Variants in RGS3 observed in about 807,000 individuals in gnomAD.
RGS3 encodes the protein regulator of G protein signaling 3, also known as regulator of G-protein signalling 3.
In RGS3, 80 loss-of-function variants were observed where a neutral mutation model predicts 132.6. That is an observed-to-expected ratio of 0.60 (90% CI 0.50 to 0.73). The LOEUF is 0.73. Ranked by LOEUF, RGS3 falls within the 30% of genes least tolerant of loss-of-function variation. The pLI is 0.00. For synonymous variants in RGS3, 598 were observed against 620.6 expected (o/e 0.96, Z 0.54); for missense variants, 1,382 against 1,530.8 (o/e 0.90, Z 1.62).
chr9:113,464,920 T>C (rs1427723434), intron 3 of RGS3, among the ~76,000 whole-genome samples: 1 of 152,210 alleles, frequency 6.6e-6, no homozygotes, highest in African/African-American at 2.4e-5. Flanking sequence ...CTGCTTTTTT[T>C]CCTTAGGGGT....
intron 7 of RGS3, 21 bp from the exon 6 acceptor site, chr9:113,495,765 A>T: frequency 6.2e-7 from 1 of 1,612,720 alleles, no homozygotes; most frequent in Non-Finnish European, 8.5e-7. Flanking sequence ...ATGCTGACTC[A>T]AGTCTCACTT....
chr9:113,506,920 A>T lies in RGS3; in HGVS notation c.1086-367A>T, dbSNP rs1831155925. On this transcript the variant is annotated intron_variant, in intron 12 of 24. Coordinates refer to ENST00000350696, the Ensembl canonical transcript of RGS3. The surrounding 1 kb of genome is among the most constrained non-coding windows in gnomAD (Gnocchi z 4.7). Reference sequence around the variant, plus strand: ...TCTAGGGTAAAACCCCGATGGCCCCATTTTAGGTCTGCTTCTGGAATAACC... The same window carrying T: ...TCTAGGGTAAAACCCCGATGGCCCCTTTTTAGGTCTGCTTCTGGAATAACC... Among the ~76,000 whole-genome samples the T allele has an allele frequency of 6.6e-6, 1 of 152,170 alleles. No homozygotes were observed. Among genetic ancestry groups the T allele is most frequent in the Non-Finnish European group, 1.5e-5 (1 of 68,012 alleles).
intron 1 of RGS3, among the ~76,000 whole-genome samples, chr9:113,445,602 C>A (rs918503731): frequency 2.6e-5 from 4 of 152,128 alleles, no homozygotes; most frequent in African/African-American, 9.7e-5. Context: ...TATTCTAGGC[C>A]CATACTCAGA....
chr9:113,560,532 A>G (rs1833743505), intron 19 of RGS3, among the ~76,000 whole-genome samples: 1 of 152,158 alleles, frequency 6.6e-6, no homozygotes, highest in South Asian at 2.1e-4. Context: ...GACCCCCTCC[A>G]AGTTCCATCC....
rs1832734757 is a variant in RGS3 at position 113,537,618 on chromosome 9, A to G, written c.2037+700A>G. ...GTCATTCAGGTCCCTTCTTTTGCTA[A>G]AAGTGCTGGCCATTTGGGAATTGGG... On this transcript the variant is annotated intron_variant, in intron 19 of 24. Transcript: ENST00000350696. This position sits in a 1 kb window ranked among gnomAD's most constrained non-coding sequence, Gnocchi z 4.3. Among the ~76,000 whole-genome samples, 1 of 152,204 alleles carries G rather than the reference A, an allele frequency of 6.6e-6. No homozygotes were observed. Among genetic ancestry groups the G allele is most frequent in the African/African-American group, 2.4e-5 (1 of 41,446 alleles).
At chr9:113,493,983 G>T (rs997013658) in intron 7 of RGS3, among the ~76,000 whole-genome samples, 2 of 152,112 alleles carry the variant, frequency 1.3e-5, no homozygotes, top group Non-Finnish European at 2.9e-5. Context: ...AAATCTCTCA[G>T]CTATGTGGGT....
At chr9:113,492,251 G>A (rs1830542702) in intron 7 of RGS3, among the ~76,000 whole-genome samples, 1 of 152,106 alleles carries the variant, frequency 6.6e-6, no homozygotes, top group African/African-American at 2.4e-5. Flanking sequence ...CATATGTGCT[G>A]CATGAAGTTA....
chr9:113,471,428 C>T (rs991748901), intron 3 of RGS3, among the ~76,000 whole-genome samples: 8 of 152,172 alleles, frequency 5.3e-5, no homozygotes, highest in African/African-American at 1.4e-4. Flanking sequence ...TAGATCCTGC[C>T]TGGTAGCTCC....
intron 1 of RGS3, among the ~76,000 whole-genome samples, chr9:113,446,800 C>T (rs1433831733): frequency 6.6e-6 from 1 of 151,964 alleles, no homozygotes; most frequent in Non-Finnish European, 1.5e-5. Context: ...GTCCAAAAGG[C>T]CTAGGATTTT....
Position 113,516,701 on chromosome 9 carries a change from C to G in RGS3, c.1675-840C>G, listed in dbSNP as rs114823209. ...TTCATTTTAATATTTGTATAAGAAA[C>G]TACTTCTATTTAAGAGACAGTCTCT... On this transcript the variant is annotated intron_variant, in intron 15 of 24. Transcript: ENST00000350696. 1.4e-3 allele frequency among the ~76,000 whole-genome samples: 218 copies of G among 152,028 alleles called. 1 individual carries two copies. The highest frequency in any genetic ancestry group is 4.8e-3 in the African/African-American group (198 of 41,496).
chr9:113,495,658 C>G, intron 7 of RGS3, 128 bp from the exon 6 acceptor site: 1 of 765,458 alleles, frequency 1.3e-6, no homozygotes, highest in Admixed American at 1.8e-5. Context: ...AAGGATCAAA[C>G]GAGATGATGT....
At chr9:113,583,540 C>A in exon 20 of RGS3, 1 of 1,614,160 alleles carries the variant, frequency 6.2e-7, no homozygotes, top group Non-Finnish European at 8.5e-7. Flanking sequence ...CAGCAAGGAG[C>A]CCTCTCCTGG....
At chr9:113,461,863 G>C in intron 2 of RGS3, 1 of 1,612,754 alleles carries the variant, frequency 6.2e-7, no homozygotes, top group South Asian at 1.1e-5. Flanking sequence ...GTGAAGAGGT[G>C]ACTATCATCT....
rs1831129850 is a variant in RGS3, at chr9:113,506,309, T to A, written c.980-79T>A. ...GGGAGGTCCTTGTCTGAGGTCACCA[T>A]GGCAGCAAAGGACTCCAGATCCTTT... On this transcript the variant is annotated intron_variant, in intron 11 of 24. Coordinates refer to ENST00000350696, the Ensembl canonical transcript of RGS3. The surrounding 1 kb of genome is among the most constrained non-coding windows in gnomAD (Gnocchi z 4.7). 5 of 844,916 alleles carry A rather than the reference T, an allele frequency of 5.9e-6. No homozygotes were observed. In the Admixed American group the frequency reaches 1.2e-4, roughly 20 times the overall value. The allele number at this position is 844,916 out of a possible 1,614,324, so 52.3% of individuals were successfully genotyped here.
chr9:113,484,900 A>G (rs1336441298), intron 6 of RGS3, among the ~76,000 whole-genome samples: 1 of 152,200 alleles, frequency 6.6e-6, no homozygotes, highest in East Asian at 1.9e-4. Context: ...GAAAATATAG[A>G]TGAGTAAAAA....
chr9:113,571,896 T>C (rs2118893434), intron 19 of RGS3, among the ~76,000 whole-genome samples: 1 of 152,328 alleles, frequency 6.6e-6, no homozygotes, highest in African/African-American at 2.4e-5. Context: ...GAAGTAGAGG[T>C]CAAGACTCAT....
intron 14 of RGS3, among the ~76,000 whole-genome samples, chr9:113,509,360 T>C (rs905213833): frequency 2.0e-5 from 3 of 151,878 alleles, no homozygotes; most frequent in Non-Finnish European, 4.4e-5. Context: ...AATTCCTACC[T>C]CAGAGGGTTG....
At position 113,553,456 on chromosome 9, in the gene RGS3, AAAAATATATATATATAT is replaced by A. The variant is rs1201678233; in HGVS notation, c.2037+16540_2037+16556del. Among the ~76,000 whole-genome samples, 25 of 98,022 alleles carry A rather than the reference AAAAATATATATATATAT, an allele frequency of 2.6e-4. 1 individual carries two copies. The highest frequency in any genetic ancestry group is 9.7e-4 in the African/African-American group (23 of 23,670). 64.3% of individuals were successfully genotyped at this position (98,022 alleles called of 152,430 possible). On this transcript the variant is annotated intron_variant, in intron 19 of 24. Transcript: ENST00000350696. ...AAACTCTGTTTAAAAAAAAAAAAAA[AAAAATATATATATATAT>A]ATATATATATATATATATGTATATA...
chr9:113,588,382 C>CCCTGCCA, intron 20 of RGS3, among the ~76,000 whole-genome samples: 1 of 152,220 alleles, frequency 6.6e-6, no homozygotes, highest in East Asian at 1.9e-4. Flanking sequence ...TGGGCTGGAT[C>CCCTGCCA]GGAGAGGGCA....
Sources: allele counts gnomAD v4.1 joint callset (sites outside exome capture counted in the v4.1 genomes callset), GRCh38; gene constraint gnomAD v4.1.1; non-coding constraint Gnocchi (gnomAD v3.1); transcripts MANE v1.5; gene names NCBI Gene and HGNC (gene_info 2026-07-23, HGNC 2026-07-21).